TRERF1: variants seen among roughly 807,000 people sequenced by gnomAD.
TRERF1 encodes transcriptional-regulating factor 1.
A neutral mutation model predicts 122.9 loss-of-function variants in TRERF1; 27 were observed. The ratio of observed to expected loss-of-function variants is 0.22; its 90% CI spans 0.16 to 0.30. The LOEUF (loss-of-function observed/expected upper bound fraction) is 0.30, where lower values mean the gene tolerates loss of function less well. Among genes scored for constraint, TRERF1 ranks in the 10% least tolerant of loss-of-function variants. The probability of loss-of-function intolerance (pLI) is 1.00; values close to 1 mark genes in which losing one functional copy is unlikely to be tolerated. For missense variants in TRERF1, 1,248 were observed against 1,560.3 expected, an observed-to-expected ratio of 0.80 and a Z score of 3.37; for synonymous variants, 636 against 641.7, an observed-to-expected ratio of 0.99 and a Z score of 0.13.
chr6:42,274,159 C>T (rs35251553), intron 4 of TRERF1, among the ~76,000 whole-genome samples: 4,244 of 152,294 alleles, frequency 0.028, 59 homozygotes, highest in Non-Finnish European at 0.037. Context: ...TCTTAGGCCC[C>T]ATCCAGACCC....
At chr6:42,226,822 T>C (rs1769611892) in exon 18 of TRERF1, 1 of 152,262 alleles carries the variant, frequency 6.6e-6, no homozygotes, top group Admixed American at 6.5e-5. Flanking sequence ...CCCAGCGTGA[T>C]AGGCACACCT....
intron 3 of TRERF1, among the ~76,000 whole-genome samples, chr6:42,314,816 G>A (rs1762222969): frequency 6.6e-6 from 1 of 152,144 alleles, no homozygotes; most frequent in Non-Finnish European, 1.5e-5. Flanking sequence ...GAATTAGAAG[G>A]GTGTGGCTGG....
At chr6:42,241,741 T>C (rs111728189) in intron 15 of TRERF1, among the ~76,000 whole-genome samples, 6,238 of 152,218 alleles carry the variant, frequency 0.041, 424 homozygotes, top group African/African-American at 0.14. Flanking sequence ...GGATTACAGG[T>C]TTGAGCCACC....
At chr6:42,315,438 C>T (rs1762311961) in intron 3 of TRERF1, among the ~76,000 whole-genome samples, 1 of 152,154 alleles carries the variant, frequency 6.6e-6, no homozygotes, top group South Asian at 2.1e-4. Context: ...GAGTGTGATC[C>T]TTACACGTGG....
At chr6:42,403,458 T>C (rs1346489315) in intron 2 of TRERF1, among the ~76,000 whole-genome samples, 1 of 152,020 alleles carries the variant, frequency 6.6e-6, no homozygotes, top group Non-Finnish European at 1.5e-5. Flanking sequence ...GCAGTGATGT[T>C]GCTACAAGCC....
chr6:42,240,232 T>C (rs184670883), intron 15 of TRERF1, among the ~76,000 whole-genome samples: 2 of 152,352 alleles, frequency 1.3e-5, no homozygotes, highest in East Asian at 3.9e-4. Flanking sequence ...CGAAAAATAT[T>C]CACTCATTCA....
intron 3 of TRERF1, among the ~76,000 whole-genome samples, chr6:42,310,719 G>T (rs958575558): frequency 6.6e-6 from 1 of 152,176 alleles, no homozygotes; most frequent in African/African-American, 2.4e-5. Flanking sequence ...GTAGCAGGAG[G>T]CTAAGGAGGC....
chr6:42,438,260 C>A (rs536992270), intron 2 of TRERF1, among the ~76,000 whole-genome samples: 39 of 151,844 alleles, frequency 2.6e-4, no homozygotes, highest in African/African-American at 8.9e-4. Flanking sequence ...TGTCCCCCAA[C>A]ATATACAAGG....
intron 5 of TRERF1, 105 bp from the exon 6 acceptor site, chr6:42,265,902 C>G: frequency 8.3e-7 from 1 of 1,207,886 alleles, no homozygotes; most frequent in Non-Finnish European, 1.2e-6. Context: ...TTCCAGGACT[C>G]TTTCTGCTGT....
rs192590460 is a variant in TRERF1, at chr6:42,245,371, A to G, written c.2745+1085T>C. Among the ~76,000 whole-genome samples the G allele has an allele frequency of 4.6e-5, 7 of 152,394 alleles. No homozygotes were observed. The East Asian group carries it at 1.2e-3, about 25-fold the overall frequency. ...GTCCTCCTGCTTTTCACACTTGCCC[A>G]GGCAAGGCCCTAGACTGACAACAGG... On this transcript the variant is annotated intron_variant, in intron 14 of 17. Transcript: ENST00000372922.
At chr6:42,343,658 G>T (rs2150738621) in intron 3 of TRERF1, among the ~76,000 whole-genome samples, 1 of 152,336 alleles carries the variant, frequency 6.6e-6, no homozygotes, top group East Asian at 1.9e-4. Flanking sequence ...CTGTGAGGCT[G>T]CAGCCAAGAG....
chr6:42,263,456 A>G lies in TRERF1; in HGVS notation c.1748T>C (p.Val583Ala). 6.2e-7 allele frequency: 1 copy of G among 1,601,688 alleles called. No homozygotes were observed. The highest frequency in any genetic ancestry group is 1.7e-4 in the Middle Eastern group (1 of 6,032). Residue 583 changes from valine to alanine, a missense_variant, in exon 8 of 18, where the codon GTC becomes GCC. By Grantham distance (64) the Val-to-Ala change is moderately conservative. Transcript: ENST00000372922. The surrounding 1 kb of genome is among the most constrained non-coding windows in gnomAD (Gnocchi z 5.6). Reference sequence around the variant, plus strand: ...CTTGACAGGGACAGACACGGGCATGACCATAGGCGTGAGGCTTTCTGCCTC... The same window carrying G: ...CTTGACAGGGACAGACACGGGCATGGCCATAGGCGTGAGGCTTTCTGCCTC...
intron 2 of TRERF1, among the ~76,000 whole-genome samples, chr6:42,410,313 T>A (rs747983312): frequency 5.3e-5 from 8 of 151,002 alleles, no homozygotes; most frequent in Non-Finnish European, 1.2e-4. Flanking sequence ...CCTGGCTAAT[T>A]TTTTTTTTAA....
At chr6:42,355,185 C>T (rs138005077) in intron 3 of TRERF1, among the ~76,000 whole-genome samples, 16 of 152,182 alleles carry the variant, frequency 1.1e-4, no homozygotes, top group East Asian at 1.9e-4. Flanking sequence ...AAGTATATAG[C>T]GGCAGTGGGC....
chr6:42,315,454 C>T (rs943028912), intron 3 of TRERF1, among the ~76,000 whole-genome samples: 2 of 152,108 alleles, frequency 1.3e-5, no homozygotes, highest in East Asian at 3.9e-4. Flanking sequence ...CGTGGCACAT[C>T]CAGGTCTAGA....
chr6:42,301,525 G>A (rs1786199593), intron 3 of TRERF1, among the ~76,000 whole-genome samples: 1 of 152,310 alleles, frequency 6.6e-6, no homozygotes, highest in South Asian at 2.1e-4. Context: ...ACCGTGCCCA[G>A]CCGAAGGACC....
intron 3 of TRERF1, among the ~76,000 whole-genome samples, chr6:42,326,609 T>C (rs1320202596): frequency 6.6e-6 from 1 of 152,200 alleles, no homozygotes; most frequent in Non-Finnish European, 1.5e-5. Flanking sequence ...ATCATTCCAT[T>C]CTTTATAGCC....
At chr6:42,386,093 C>T (rs918201688) in intron 2 of TRERF1, among the ~76,000 whole-genome samples, 5 of 152,160 alleles carry the variant, frequency 3.3e-5, no homozygotes, top group South Asian at 4.1e-4. Context: ...CGGTGGCTCA[C>T]GCCTATAATC....
Position 42,408,227 on chromosome 6 carries a change from A to ATATATATG in TRERF1, c.-454+42949_-454+42950insCATATATA, listed in dbSNP as rs150915297. On this transcript the variant is annotated intron_variant, in intron 2 of 17. Transcript: ENST00000372922. ...TATAAATAAATATATATATATATAT[A>ATATATATG]TGTGTGTGTGTATGTATATATACAT... Among the ~76,000 whole-genome samples the ATATATATG allele has an allele frequency of 6.9e-3, 805 of 116,628 alleles. 45 individuals carry two copies. Among genetic ancestry groups the ATATATATG allele is most frequent in the Admixed American group, 0.062 (710 of 11,500 alleles). The allele number at this position is 116,628 out of a possible 152,430, so 76.5% of individuals were successfully genotyped here. A position where few individuals can be genotyped will look rare whatever the true frequency, so the allele number is the denominator to read the frequency against.
Sources: gnomAD v4.1 joint callset for allele counts (sites outside exome capture counted in the v4.1 genomes callset) on GRCh38, gnomAD v4.1.1 for gene constraint, Gnocchi (gnomAD v3.1) non-coding constraint, MANE v1.5 for transcripts, NCBI Gene and HGNC (gene_info 2026-07-23, HGNC 2026-07-21) for gene names.